Variants in HS1BP3 observed in about 807,000 individuals in gnomAD.
HS1BP3 encodes HCLS1-binding protein 3.
In HS1BP3, 32 loss-of-function variants were observed where a neutral mutation model predicts 33.5. That is an observed-to-expected ratio of 0.95 (90% CI 0.72 to 1.28). The LOEUF is 1.28. Ranked by LOEUF, HS1BP3 falls within the 50% of genes most tolerant of loss-of-function variation. The pLI is 0.00. For synonymous variants in HS1BP3, 187 were observed against 209.2 expected (o/e 0.89, Z 0.92); for missense variants, 486 against 502.3 (o/e 0.97, Z 0.31).
intron 4 of HS1BP3, chr2:20,635,553 C>T (rs976224922): frequency 3.3e-5 from 5 of 152,074 alleles, no homozygotes; most frequent in African/African-American, 1.2e-4. Flanking sequence ...AAAGGTTTCC[C>T]GCAGAGGATT....
chr2:20,618,665 CAT>C lies in HS1BP3; in HGVS notation c.*320_*321del. 4 of 1,174,384 alleles carry C rather than the reference CAT, an allele frequency of 3.4e-6. No homozygotes were observed. Among genetic ancestry groups the C allele is most frequent in the South Asian group, 6.0e-5 (2 of 33,382 alleles). 72.7% of individuals were successfully genotyped at this position (1,174,384 alleles called of 1,614,324 possible). A position where few individuals can be genotyped will look rare whatever the true frequency, so the allele number is the denominator to read the frequency against. ...CATGTGACACCTCGCTACGGCCCCA[CAT>C]GTCTTGCTTCATCCTTGGGGCTGGG... is the stretch of plus-strand genomic sequence containing the variant. On this transcript the variant is annotated 3_prime_UTR_variant, in exon 7 of 7. Transcript: ENST00000304031.
At chr2:20,644,164 A>G (rs1196902582) in intron 2 of HS1BP3, among the ~76,000 whole-genome samples, 1 of 152,162 alleles carries the variant, frequency 6.6e-6, no homozygotes, top group Non-Finnish European at 1.5e-5. Context: ...CCTTTTCACA[A>G]GAGGCCAAAT....
chr2:20,569,501 CTTAT>C (rs1179844513), intron 5 of HS1BP3, among the ~76,000 whole-genome samples: 1 of 152,202 alleles, frequency 6.6e-6, no homozygotes, highest in African/African-American at 2.4e-5. Context: ...ACAACAAATT[CTTAT>C]TTTAGTCTAA....
chr2:20,600,705 T>C (rs970562748), intron 2 of HS1BP3, among the ~76,000 whole-genome samples: 1 of 152,244 alleles, frequency 6.6e-6, no homozygotes, highest in Admixed American at 6.5e-5. Context: ...TAAAAACTCA[T>C]ATCCATATGT....
chr2:20,591,418 A>G (rs1693810823), downstream of HS1BP3, among the ~76,000 whole-genome samples: 1 of 152,188 alleles, frequency 6.6e-6, no homozygotes, highest in Non-Finnish European at 1.5e-5. Flanking sequence ...AGGTGTGGCC[A>G]CCAGCCCCAG....
At chr2:20,567,842 G>T (rs1693173084) in intron 5 of HS1BP3, among the ~76,000 whole-genome samples, 1 of 152,196 alleles carries the variant, frequency 6.6e-6, no homozygotes, top group South Asian at 2.1e-4. Context: ...CCCCAAGTTT[G>T]CAGCAGCTTC....
chr2:20,649,264 G>A (rs1042117981), intron 1 of HS1BP3, among the ~76,000 whole-genome samples: 1 of 152,160 alleles, frequency 6.6e-6, no homozygotes, highest in Non-Finnish European at 1.5e-5. Flanking sequence ...CTCCACTCCA[G>A]CATACCAGCC....
intron 2 of HS1BP3, chr2:20,606,682 G>A (rs930759): frequency 0.24 from 78,242 of 326,718 alleles, 10,194 homozygotes; most frequent in East Asian, 0.38. Context: ...AGCGGTGAAC[G>A]CTACAGCCTC....
intron 1 of HS1BP3, among the ~76,000 whole-genome samples, chr2:20,648,390 G>A (rs1038920038): frequency 2.6e-5 from 4 of 152,094 alleles, no homozygotes; most frequent in South Asian, 2.1e-4. Context: ...GGTCATCTGC[G>A]ACCTCCATGT....
At position 20,611,907 on chromosome 2, in the gene HS1BP3, C is replaced by A. The variant is rs1200516994; in HGVS notation, c.178+11989G>T. On this transcript the variant is annotated intron_variant, in intron 2 of 3. Transcript: ENST00000415264. The surrounding 1 kb of genome is among the most constrained non-coding windows in gnomAD (Gnocchi z 4.9). The stretch of plus-strand genomic sequence containing the variant: ...CAACCACCCTCCATGGAGAGCAAGC[C>A]ATCAGCACCCCTTTCCACGAAGATG... Among the ~76,000 whole-genome samples the A allele has an allele frequency of 2.0e-5, 3 of 152,208 alleles. No individual in the cohort carries two copies. The East Asian group carries it at 5.8e-4, about 29-fold the overall frequency.
chr2:20,578,892 C>G (rs1412331334), intron 5 of HS1BP3, among the ~76,000 whole-genome samples: 7 of 152,322 alleles, frequency 4.6e-5, no homozygotes, highest in Admixed American at 1.3e-4. Context: ...ACAGTAACAG[C>G]AATGTCCAGG....
At chr2:20,620,871 C>A (rs1233225774) in intron 6 of HS1BP3, among the ~76,000 whole-genome samples, 1 of 152,226 alleles carries the variant, frequency 6.6e-6, no homozygotes, top group Non-Finnish European at 1.5e-5. Context: ...ATGAGGGACA[C>A]CCCCCAGCCC....
chr2:20,564,573 T>A (rs1693079089), intron 5 of HS1BP3, among the ~76,000 whole-genome samples: 1 of 152,178 alleles, frequency 6.6e-6, no homozygotes, highest in Non-Finnish European at 1.5e-5. Context: ...AATCTCCACC[T>A]CCCTGATTCA....
At chr2:20,558,151 G>T (rs1203360377), downstream of HS1BP3, among the ~76,000 whole-genome samples, 1 of 152,212 alleles carries the variant, frequency 6.6e-6, no homozygotes, top group Non-Finnish European at 1.5e-5. Context: ...CCAGGGATGG[G>T]GGTGCAGAGG....
At chr2:20,569,477 T>A (rs1302465103) in intron 5 of HS1BP3, among the ~76,000 whole-genome samples, 1 of 151,894 alleles carries the variant, frequency 6.6e-6, no homozygotes, top group Non-Finnish European at 1.5e-5. Context: ...CAACTAAATT[T>A]GAGTTTTAGA....
At chr2:20,567,889 G>A (rs1483121638) in intron 5 of HS1BP3, among the ~76,000 whole-genome samples, 1 of 152,176 alleles carries the variant, frequency 6.6e-6, no homozygotes, top group East Asian at 1.9e-4. Context: ...TGCAGATGTG[G>A]CTCCCACAGC....
At chr2:20,593,976 G>T (rs547985931) in intron 3 of HS1BP3, among the ~76,000 whole-genome samples, 1 of 152,252 alleles carries the variant, frequency 6.6e-6, no homozygotes, top group Non-Finnish European at 1.5e-5. Context: ...GAAGAGGGAC[G>T]TGGGCTTCTT....
At chr2:20,555,464 A>G (rs1172656009), downstream of HS1BP3, among the ~76,000 whole-genome samples, 1 of 152,218 alleles carries the variant, frequency 6.6e-6, no homozygotes, top group Non-Finnish European at 1.5e-5. Flanking sequence ...GTAATGGCAC[A>G]GGTCACACAT....
intron 1 of HS1BP3, among the ~76,000 whole-genome samples, chr2:20,649,328 T>C: frequency 6.6e-6 from 1 of 152,212 alleles, no homozygotes; most frequent in East Asian, 1.9e-4. Flanking sequence ...TTTCCAAGAT[T>C]TCTTTTTCAT....
Sources: gnomAD v4.1 joint callset for allele counts (sites outside exome capture counted in the v4.1 genomes callset) on GRCh38, gnomAD v4.1.1 for gene constraint, Gnocchi (gnomAD v3.1) non-coding constraint, MANE v1.5 for transcripts, NCBI Gene and HGNC (gene_info 2026-07-23, HGNC 2026-07-21) for gene names.